MTCL1: variants seen among roughly 807,000 people sequenced by gnomAD.
MTCL1 encodes microtubule cross-linking factor 1.
Under a neutral mutation model 141.4 loss-of-function variants are expected in MTCL1, and 79 were observed. The observed-to-expected ratio is 0.56, with a 90% confidence interval of 0.47 to 0.67. The LOEUF (loss-of-function observed/expected upper bound fraction) is 0.67. Ranked by LOEUF, MTCL1 falls within the 30% of genes least tolerant of loss-of-function variation. MTCL1 has a pLI of 0.00. For missense variants in MTCL1, 2,177 were observed against 2,113.9 expected (o/e 1.03, Z -0.59); for synonymous variants, 914 against 875.8 (o/e 1.04, Z -0.77).
At chr18:8,744,379 C>T (rs1394463445) in intron 4 of MTCL1, among the ~76,000 whole-genome samples, 2 of 152,198 alleles carry the variant, frequency 1.3e-5, no homozygotes, top group African/African-American at 2.4e-5. Flanking sequence ...GTTATCAAAC[C>T]TTTTCAATTT....
In MTCL1 at chr18:8,705,909, A is replaced by G; in HGVS notation, c.249A>G (p.Lys83=). 1 of 1,092,350 alleles carries G rather than the reference A, an allele frequency of 9.2e-7. No homozygotes were observed. The highest frequency in any genetic ancestry group is 4.3e-5 in the South Asian group (1 of 23,090). The allele number at this position is 1,092,350 out of a possible 1,614,324, so 67.7% of individuals were successfully genotyped here. ...CGCGCTCGCCCAACCTCGCGGGCAA[A>G]GCGCCGCCCTCGCCGGGGTCCCTGG... Residue 83 remains lysine, a synonymous_variant, in exon 1 of 14, where the codon AAA becomes AAG. Transcript: ENST00000306329. The surrounding 1 kb of genome is among the most constrained non-coding windows in gnomAD (Gnocchi z 5.2).
intron 4 of MTCL1, among the ~76,000 whole-genome samples, chr18:8,765,892 G>T (rs1180460046): frequency 4.6e-5 from 7 of 152,124 alleles, no homozygotes. Flanking sequence ...TCCCTGACTG[G>T]GCCTCTTTCC....
upstream of MTCL1, among the ~76,000 whole-genome samples, chr18:8,714,333 T>C (rs2096112929): frequency 6.6e-6 from 1 of 152,028 alleles, no homozygotes; most frequent in Non-Finnish European, 1.5e-5. Context: ...GTAATGAGGG[T>C]GAGGTGCTTA....
chr18:8,734,235 G>A (rs879817462), intron 4 of MTCL1, among the ~76,000 whole-genome samples: 30 of 151,982 alleles, frequency 2.0e-4, no homozygotes, highest in Admixed American at 1.1e-3. Context: ...TGGCAATCAA[G>A]AACTCTTTTC....
At position 8,788,571 on chromosome 18, in the gene MTCL1, A is replaced by G. The variant is rs1254723889; in HGVS notation, c.1887+2480A>G. Among the ~76,000 whole-genome samples, 4 of 152,226 alleles carry G rather than the reference A, an allele frequency of 2.6e-5. No homozygotes were observed. The East Asian group carries it at 5.8e-4, about 22-fold the overall frequency. ...TTTTGGCCCGACCAAAACTGTGACT[A>G]CTACTCATAGTTGTACCAGCAGCAG... On this transcript the variant is annotated intron_variant, in intron 7 of 16. Coordinates refer to ENST00000359865, the Ensembl canonical transcript of MTCL1.
At chr18:8,821,930 GAT>G (rs1463137671) in intron 14 of MTCL1, among the ~76,000 whole-genome samples, 1 of 152,178 alleles carries the variant, frequency 6.6e-6, no homozygotes, top group Non-Finnish European at 1.5e-5. Context: ...CCTTGAAGAA[GAT>G]ATATAGTGGT....
chr18:8,786,417 A>T, intron 7 of MTCL1: 1 of 546,368 alleles, frequency 1.8e-6, no homozygotes, highest in South Asian at 1.6e-5. Flanking sequence ...AGTCGCAGAG[A>T]AAGAAGGGAT....
chr18:8,738,723 G>A (rs1245090366), intron 4 of MTCL1, among the ~76,000 whole-genome samples: 1 of 152,198 alleles, frequency 6.6e-6, no homozygotes, highest in Non-Finnish European at 1.5e-5. Context: ...AGGACGCACT[G>A]CTTTGAGAGT....
intron 4 of MTCL1, among the ~76,000 whole-genome samples, chr18:8,736,109 A>G (rs568679155): frequency 1.2e-4 from 19 of 152,274 alleles, no homozygotes; most frequent in African/African-American, 4.1e-4. Flanking sequence ...AGCTGCTTCC[A>G]TGGACAAATC....
intron 8 of MTCL1, among the ~76,000 whole-genome samples, chr18:8,795,822 G>C (rs2075897115): frequency 6.6e-6 from 1 of 152,120 alleles, no homozygotes; most frequent in South Asian, 2.1e-4. Context: ...ATTTCCACTT[G>C]TTTTCTCCTT....
At position 8,734,035 on chromosome 18, in the gene MTCL1, G is replaced by A. The variant is rs142228711; in HGVS notation, c.357+13539G>A. Among the ~76,000 whole-genome samples, 801 of 152,144 alleles carry A rather than the reference G, an allele frequency of 5.3e-3. 9 individuals are homozygous for A. Among genetic ancestry groups the A allele is most frequent in the African/African-American group, 0.018 (764 of 41,488 alleles). ...AAGGCCCAGTTGTCATCTAACCCTC[G>A]TGGAAACATTACAGGTGAGGGTTGC... On this transcript the variant is annotated intron_variant, in intron 4 of 16. Coordinates refer to ENST00000359865, the Ensembl canonical transcript of MTCL1.
intron 15 of MTCL1, among the ~76,000 whole-genome samples, chr18:8,827,100 A>G (rs2077050799): frequency 6.6e-6 from 1 of 152,210 alleles, no homozygotes; most frequent in African/African-American, 2.4e-5. Flanking sequence ...GTCCGGATGA[A>G]CAGGCTTCAC....
intron 15 of MTCL1, among the ~76,000 whole-genome samples, chr18:8,826,495 T>G (rs1247622416): frequency 5.5e-3 from 1 of 182 alleles, no homozygotes; most frequent in East Asian, 0.5. Context: ...GTCACCAGTC[T>G]TAAGTGATTG....
At chr18:8,785,857 C>G in intron 6 of MTCL1, 79 bp from the exon 6 acceptor site, 1 of 1,507,922 alleles carries the variant, frequency 6.6e-7, no homozygotes, top group Non-Finnish European at 8.9e-7. Context: ...CTGCCTCCAC[C>G]CTTGTCCTTT....
At chr18:8,809,569 G>C in intron 11 of MTCL1, 1 of 1,536,136 alleles carries the variant, frequency 6.5e-7, no homozygotes, top group Non-Finnish European at 8.7e-7. Flanking sequence ...GAGGTGAGAG[G>C]GGTGACTCTG....
At chr18:8,716,954 C>T (rs1392227107), upstream of MTCL1, among the ~76,000 whole-genome samples, 1 of 152,138 alleles carries the variant, frequency 6.6e-6, no homozygotes, top group Non-Finnish European at 1.5e-5. Context: ...CCTGCAGCTA[C>T]ATCTGTGGGT....
intron 8 of MTCL1, among the ~76,000 whole-genome samples, chr18:8,795,597 C>T (rs142471714): frequency 4.1e-4 from 63 of 152,268 alleles, no homozygotes; most frequent in African/African-American, 1.5e-3. Flanking sequence ...CTTTTCTTTT[C>T]CTAAGAGATA....
At chr18:8,714,942 G>T (rs886322653), upstream of MTCL1, among the ~76,000 whole-genome samples, 1 of 152,004 alleles carries the variant, frequency 6.6e-6, no homozygotes, top group East Asian at 1.9e-4. Context: ...GACTACAGGT[G>T]CCCGCCACCA....
At chr18:8,802,706 A>T (rs9807335) in intron 10 of MTCL1, among the ~76,000 whole-genome samples, 2,229 of 152,322 alleles carry the variant, frequency 0.015, 66 homozygotes, top group African/African-American at 0.051. Flanking sequence ...CACTCAAGAG[A>T]GCTGAGCTAG....
Sources: gnomAD v4.1 joint callset for allele counts (sites outside exome capture counted in the v4.1 genomes callset) on GRCh38, gnomAD v4.1.1 for gene constraint, Gnocchi (gnomAD v3.1) non-coding constraint, MANE v1.5 for transcripts, NCBI Gene and HGNC (gene_info 2026-07-23, HGNC 2026-07-21) for gene names.